The following KCNH1 variants were observed in gnomAD, a reference collection of about 807,000 sequenced individuals.
KCNH1 encodes potassium voltage-gated channel subfamily H member 1, also known as voltage-gated delayed rectifier potassium channel KCNH1.
In KCNH1, 27 loss-of-function variants were observed where a neutral mutation model predicts 69.2. The ratio of observed to expected loss-of-function variants is 0.39; its 90% CI spans 0.29 to 0.54. The LOEUF is 0.54. KCNH1 is among the 20% of genes least tolerant of loss of function. The probability of loss-of-function intolerance (pLI) is 0.68; values close to 1 mark genes in which losing one functional copy is unlikely to be tolerated. For synonymous variants in KCNH1, 456 were observed against 487.7 expected, an observed-to-expected ratio of 0.93 and a Z score of 0.86; for missense variants, 798 against 1,261.6, an observed-to-expected ratio of 0.63 and a Z score of 5.57.
intron 7 of KCNH1, among the ~76,000 whole-genome samples, chr1:210,886,077 T>C (rs551126966): frequency 8.9e-4 from 136 of 152,304 alleles, no homozygotes; most frequent in African/African-American, 3.2e-3. Context: ...TGTGGGTCCC[T>C]GACCCCCATG....
At chr1:210,883,015 TGTG>T (rs1000583631) in intron 7 of KCNH1, among the ~76,000 whole-genome samples, 1 of 152,156 alleles carries the variant, frequency 6.6e-6, no homozygotes, top group African/African-American at 2.4e-5. Flanking sequence ...TTCCAGTAGC[TGTG>T]GTGGTGGTTA....
intron 5 of KCNH1, among the ~76,000 whole-genome samples, chr1:211,035,113 C>T (rs879333003): frequency 3.3e-5 from 5 of 151,746 alleles, no homozygotes; most frequent in Non-Finnish European, 5.9e-5. Context: ...AACATGTATT[C>T]AAAGAGGAAT....
Position 211,117,409 on chromosome 1 carries a change from G to A in KCNH1, c.80-10032C>T, listed in dbSNP as rs148415760. Among the ~76,000 whole-genome samples the A allele has an allele frequency of 3.1e-4, 47 of 152,258 alleles. 1 individual carries two copies. The highest frequency in any genetic ancestry group is 6.8e-3 in the Middle Eastern group (2 of 294). On this transcript the variant is annotated intron_variant, in intron 1 of 10. Transcript: ENST00000271751. ...AGACTTGGTGCTGTGCCCATTGCAG[G>A]TGTAAGCCTTAAGATCTGGTGACTT...
At chr1:211,074,116 A>AC (rs1301769517) in intron 5 of KCNH1, among the ~76,000 whole-genome samples, 4 of 150,874 alleles carry the variant, frequency 2.7e-5, no homozygotes, top group Non-Finnish European at 5.9e-5. Context: ...AAAAAAAAAA[A>AC]ACCTTAATAC....
intron 7 of KCNH1, among the ~76,000 whole-genome samples, chr1:210,819,273 C>T (rs1259411180): frequency 6.6e-6 from 1 of 152,108 alleles, no homozygotes; most frequent in Non-Finnish European, 1.5e-5. Flanking sequence ...GAAAATATGA[C>T]ATTCTTTATT....
chr1:211,106,265 T>C (rs1020272590), intron 2 of KCNH1, among the ~76,000 whole-genome samples: 3 of 152,168 alleles, frequency 2.0e-5, no homozygotes, highest in African/African-American at 7.2e-5. Flanking sequence ...AGCAGGGGAA[T>C]GTCTGGCAGG....
At chr1:210,905,665 A>G (rs1687087070) in intron 7 of KCNH1, among the ~76,000 whole-genome samples, 1 of 151,796 alleles carries the variant, frequency 6.6e-6, no homozygotes, top group Non-Finnish European at 1.5e-5. Flanking sequence ...GAAAAAAAAA[A>G]TCGTAAAACT....
intron 7 of KCNH1, among the ~76,000 whole-genome samples, chr1:210,862,758 G>A (rs1167114516): frequency 8.5e-5 from 13 of 152,184 alleles, no homozygotes; most frequent in Non-Finnish European, 1.9e-4. Context: ...ATAGAAATAA[G>A]ACCCAGTTAC....
chr1:210,694,101 C>T (rs1681585160), intron 10 of KCNH1, among the ~76,000 whole-genome samples: 1 of 152,210 alleles, frequency 6.6e-6, no homozygotes, highest in Non-Finnish European at 1.5e-5. Flanking sequence ...TGTGGCCTCA[C>T]TGGGCAGCCC....
chr1:210,954,606 A>G (rs1236440507), intron 6 of KCNH1, among the ~76,000 whole-genome samples: 1 of 152,096 alleles, frequency 6.6e-6, no homozygotes, highest in African/African-American at 2.4e-5. Flanking sequence ...TCTAACTGGC[A>G]TGAGATGATA....
intron 7 of KCNH1, chr1:210,858,876 T>C (rs1685913704): frequency 3.8e-6 from 1 of 262,638 alleles, no homozygotes; most frequent in Non-Finnish European, 7.3e-6. Context: ...TTTTCAGATT[T>C]CCACAGTGTC....
At chr1:210,853,946 CAAAAAAAAAAAAA>C (rs11445997) in intron 7 of KCNH1, among the ~76,000 whole-genome samples, 1 of 61,534 alleles carries the variant, frequency 1.6e-5, no homozygotes, top group Non-Finnish European at 2.7e-5. Flanking sequence ...TTATCTAAGC[CAAAAAAAAAAAAA>C]AAAAAAAAAG....
chr1:211,022,011 T>G (rs115459513), intron 5 of KCNH1, among the ~76,000 whole-genome samples: 2,002 of 152,204 alleles, frequency 0.013, 40 homozygotes, highest in African/African-American at 0.045. Flanking sequence ...AGACCCAGAA[T>G]AGCAAAAACT....
At chr1:211,109,290 G>C (rs956926117) in intron 1 of KCNH1, among the ~76,000 whole-genome samples, 4 of 152,210 alleles carry the variant, frequency 2.6e-5, no homozygotes, top group Non-Finnish European at 5.9e-5. Flanking sequence ...GCCAGGAAGA[G>C]TGGCAGGATG....
intron 10 of KCNH1, among the ~76,000 whole-genome samples, chr1:210,712,336 T>C (rs540731502): frequency 2.0e-5 from 3 of 152,286 alleles, no homozygotes; most frequent in South Asian, 4.1e-4. Context: ...TCACATCAAA[T>C]CAACACCTCC....
chr1:210,918,444 G>A (rs1479210847), intron 7 of KCNH1, among the ~76,000 whole-genome samples: 1 of 152,166 alleles, frequency 6.6e-6, no homozygotes, highest in Non-Finnish European at 1.5e-5. Flanking sequence ...GTTTCACAAT[G>A]AGTCCAATCC....
At chr1:210,985,775 G>C (rs1474861562) in intron 6 of KCNH1, among the ~76,000 whole-genome samples, 1 of 152,178 alleles carries the variant, frequency 6.6e-6, no homozygotes, top group Non-Finnish European at 1.5e-5. Context: ...TCGGGGTGGA[G>C]AGTTCTATAG....
Position 210,958,842 on chromosome 1 carries a change from C to T in KCNH1, c.1033-38773G>A, listed in dbSNP as rs184122778. 1.6e-3 allele frequency among the ~76,000 whole-genome samples: 239 copies of T among 152,262 alleles called. 2 individuals are homozygous for T. Among genetic ancestry groups the T allele is most frequent in the African/African-American group, 5.2e-3 (216 of 41,540 alleles). ...TTTTTCAAGGTTTTTAGCTTCCTTGCGATGGGTTAGAACATGCTCCTTTAG... is the reference window on the plus strand; with the variant it reads ...TTTTTCAAGGTTTTTAGCTTCCTTGTGATGGGTTAGAACATGCTCCTTTAG... On this transcript the variant is annotated intron_variant, in intron 6 of 10. Transcript: ENST00000271751.
At chr1:211,095,753 AC>A (rs2102477301) in intron 3 of KCNH1, among the ~76,000 whole-genome samples, 1 of 152,286 alleles carries the variant, frequency 6.6e-6, no homozygotes, top group South Asian at 2.1e-4. Context: ...ATGGTAGCCT[AC>A]CCCAGGAAAC....
Sources: allele counts gnomAD v4.1 joint callset (sites outside exome capture counted in the v4.1 genomes callset), GRCh38; gene constraint gnomAD v4.1.1; transcripts MANE v1.5; gene names NCBI Gene and HGNC (gene_info 2026-07-23, HGNC 2026-07-21).